IGF1R: variants seen among roughly 807,000 people sequenced by gnomAD.
The protein encoded by IGF1R is insulin-like growth factor 1 receptor.
In IGF1R, 44 loss-of-function variants were observed where a neutral mutation model predicts 144.6. That is an observed-to-expected ratio of 0.30 (90% CI 0.24 to 0.39). The LOEUF is 0.39. IGF1R is among the 10% of genes least tolerant of loss of function. IGF1R has a pLI of 1.00. For missense variants in IGF1R, 1,355 were observed against 1,833.7 expected, an observed-to-expected ratio of 0.74 and a Z score of 4.77; for synonymous variants, 795 against 722.8, an observed-to-expected ratio of 1.10 and a Z score of -1.60.
rs564308394 is a variant in IGF1R, at chr15:98,962,422, G to C, written c.*4980G>C. On this transcript the variant is annotated 3_prime_UTR_variant, in exon 21 of 21. Transcript: ENST00000650285. ...GATCCACTCCTTAAGAACCAGTGGC[G>C]AAAGACACTTTCTTTCTTCACTCTG... The C allele has an allele frequency of 4.3e-6, 1 of 233,634 alleles. No homozygotes were observed. The highest frequency in any genetic ancestry group is 8.5e-6 in the Non-Finnish European group (1 of 118,102). The allele number at this position is 233,634 out of a possible 1,614,324, so 14.5% of individuals were successfully genotyped here.
chr15:98,784,164 A>G (rs1216156282), intron 2 of IGF1R, among the ~76,000 whole-genome samples: 6 of 151,848 alleles, frequency 4.0e-5, no homozygotes, highest in African/African-American at 1.5e-4. Flanking sequence ...TAGTGGAGAC[A>G]GAGTTTCACC....
chr15:98,684,516 CAACCTCTATGCTGTGGTTTAT>C lies in IGF1R; in HGVS notation c.95-23045_95-23025del, dbSNP rs1264476297. Among the ~76,000 whole-genome samples, 9 of 152,286 alleles carry C rather than the reference CAACCTCTATGCTGTGGTTTAT, an allele frequency of 5.9e-5. 1 individual carries two copies. The East Asian group carries it at 1.3e-3, about 23-fold the overall frequency. ...CAGGTTATAGCTAAACGTCAGTTGG[CAACCTCTATGCTGTGGTTTAT>C]TGAGTAACACTTAATACTTAGCACA... On this transcript the variant is annotated intron_variant, in intron 1 of 20. Transcript: ENST00000650285.
intron 2 of IGF1R, among the ~76,000 whole-genome samples, chr15:98,716,104 C>T (rs2054108742): frequency 6.6e-6 from 1 of 152,178 alleles, no homozygotes; most frequent in Non-Finnish European, 1.5e-5. Context: ...CAGCTGGGTC[C>T]AGCAGTGCCT....
chr15:98,649,530 T>TTG lies in IGF1R; in HGVS notation c.-51_-50insGT. On this transcript the variant is annotated 5_prime_UTR_variant, in exon 1 of 21. Coordinates refer to ENST00000650285, the MANE Select transcript of IGF1R (RefSeq NM_000875.5). ...TCCTTTTTTTCTTTTCTTTTCTTTT[T>TTG]TTTTTTTTTTTTTTTTTTTGAGAAA... 7.3e-6 allele frequency: 1 copy of TTG among 136,802 alleles called. No individual in the cohort carries two copies. The highest frequency in any genetic ancestry group is 1.2e-4 in the East Asian group (1 of 8,686). 8.5% of individuals were successfully genotyped at this position (136,802 alleles called of 1,614,324 possible). A position where few individuals can be genotyped will look rare whatever the true frequency, so the allele number is the denominator to read the frequency against.
intron 2 of IGF1R, among the ~76,000 whole-genome samples, chr15:98,754,374 C>G (rs1388386805): frequency 6.6e-6 from 1 of 152,168 alleles, no homozygotes; most frequent in Non-Finnish European, 1.5e-5. Flanking sequence ...CTTAAGCGAT[C>G]TCCAGGAAAT....
chr15:98,830,197 C>G (rs981643624), intron 2 of IGF1R, among the ~76,000 whole-genome samples: 2 of 152,204 alleles, frequency 1.3e-5, no homozygotes, highest in Non-Finnish European at 2.9e-5. Context: ...ATTTCTAGAG[C>G]AGTGTTCCTG....
chr15:98,683,369 G>C (rs2053239594), intron 1 of IGF1R, among the ~76,000 whole-genome samples: 1 of 152,182 alleles, frequency 6.6e-6, no homozygotes, highest in African/African-American at 2.4e-5. Flanking sequence ...ATGTTCTCCA[G>C]TTCTGTGAGG....
chr15:98,797,461 A>C (rs76830604), intron 2 of IGF1R, among the ~76,000 whole-genome samples: 2,199 of 152,332 alleles, frequency 0.014, 26 homozygotes, highest in Admixed American at 0.024. Flanking sequence ...TAGTAACTTC[A>C]AATTGTTTTT....
chr15:98,683,121 T>C (rs2053233013), intron 1 of IGF1R, among the ~76,000 whole-genome samples: 1 of 151,912 alleles, frequency 6.6e-6, no homozygotes, highest in Non-Finnish European at 1.5e-5. Flanking sequence ...GGCAACATGT[T>C]CTTTGTTTCC....
At chr15:98,743,247 A>G (rs1307908486) in intron 2 of IGF1R, among the ~76,000 whole-genome samples, 2 of 152,174 alleles carry the variant, frequency 1.3e-5, no homozygotes. Context: ...AGAAATGGAA[A>G]CACAATAAAC....
At chr15:98,938,634 T>C (rs2016247875) in intron 17 of IGF1R, among the ~76,000 whole-genome samples, 1 of 152,182 alleles carries the variant, frequency 6.6e-6, no homozygotes, top group Non-Finnish European at 1.5e-5. Context: ...TAATGCCACA[T>C]TGTAAGGTGA....
intron 1 of IGF1R, among the ~76,000 whole-genome samples, chr15:98,695,045 G>T (rs553752401): frequency 6.6e-6 from 1 of 152,268 alleles, no homozygotes; most frequent in African/African-American, 2.4e-5. Context: ...CATGTAGTTG[G>T]GTTAGATTGT....
At chr15:98,873,801 G>A (rs1445029394) in intron 2 of IGF1R, 1 of 152,212 alleles carries the variant, frequency 6.6e-6, no homozygotes, top group Non-Finnish European at 1.5e-5. Context: ...GTAGGTGGAT[G>A]CTGGCTATTA....
chr15:98,844,270 A>G (rs2011233196), intron 2 of IGF1R, among the ~76,000 whole-genome samples: 2 of 152,368 alleles, frequency 1.3e-5, no homozygotes, highest in South Asian at 2.1e-4. Context: ...CCAAGTCTAA[A>G]TAAATTTGGA....
intron 20 of IGF1R, among the ~76,000 whole-genome samples, chr15:98,950,082 A>C (rs909487352): frequency 1.3e-5 from 2 of 152,186 alleles, no homozygotes; most frequent in Admixed American, 6.5e-5. Flanking sequence ...CCAATTCAGG[A>C]GATTTCCAGA....
At chr15:98,776,979 G>C (rs764138399) in intron 2 of IGF1R, among the ~76,000 whole-genome samples, 18 of 152,216 alleles carry the variant, frequency 1.2e-4, no homozygotes, top group Admixed American at 4.6e-4. Flanking sequence ...AGTTCTTGCT[G>C]TTTTTGTGAC....
intron 1 of IGF1R, among the ~76,000 whole-genome samples, chr15:98,662,986 T>C (rs960137678): frequency 4.6e-5 from 7 of 152,146 alleles, no homozygotes; most frequent in African/African-American, 1.7e-4. Context: ...GAGGCTGCTC[T>C]GGTCTCTCGA....
rs778092245 is a variant in IGF1R, at chr15:98,961,425, G to A, written c.*3983G>A. On this transcript the variant is annotated 3_prime_UTR_variant, in exon 21 of 21. Coordinates refer to ENST00000650285, the MANE Select transcript of IGF1R (RefSeq NM_000875.5). The stretch of plus-strand genomic sequence containing the variant: ...CTCAATAAAAGAGAAAACTTGGCTT[G>A]TGTGATGGTGCAGTCACTTTACTGG... 16 of 233,346 alleles carry A rather than the reference G, an allele frequency of 6.9e-5. No individual in the cohort carries two copies. Among genetic ancestry groups the A allele is most frequent in the Non-Finnish European group, 1.1e-4 (13 of 118,008 alleles). The allele number at this position is 233,346 out of a possible 1,614,324, so 14.5% of individuals were successfully genotyped here.
chr15:98,936,382 C>T (rs2016150296), intron 17 of IGF1R, among the ~76,000 whole-genome samples: 2 of 152,150 alleles, frequency 1.3e-5, no homozygotes, highest in South Asian at 2.1e-4. Context: ...TTAACATATG[C>T]GGGCATGACT....
Sources: allele counts gnomAD v4.1 joint callset (sites outside exome capture counted in the v4.1 genomes callset), GRCh38; gene constraint gnomAD v4.1.1; transcripts MANE v1.5; gene names NCBI Gene and HGNC (gene_info 2026-07-23, HGNC 2026-07-21).